Variants in UBR3 observed in about 807,000 individuals in gnomAD.
UBR3 encodes E3 ubiquitin-protein ligase UBR3.
In UBR3, 85 loss-of-function variants were observed where a neutral mutation model predicts 243.2. The ratio of observed to expected loss-of-function variants is 0.35; its 90% CI spans 0.29 to 0.42. UBR3 has a LOEUF of 0.42. UBR3 is among the 10% of genes least tolerant of loss of function. The pLI is 1.00. For missense variants in UBR3, 1,686 were observed against 2,300.8 expected (o/e 0.73, Z 5.47); for synonymous variants, 748 against 799.8 (o/e 0.94, Z 1.09).
intron 31 of UBR3, among the ~76,000 whole-genome samples, chr2:170,034,598 G>A (rs771105237): frequency 4.0e-5 from 6 of 150,648 alleles, no homozygotes; most frequent in South Asian, 2.1e-4. Context: ...TGGTTGCTTC[G>A]AAGTTTTGGC....
rs550688881 is a variant in UBR3 at position 169,875,143 on chromosome 2, G to A, written c.686-648G>A. 3.3e-5 allele frequency among the ~76,000 whole-genome samples: 5 copies of A among 151,946 alleles called. No homozygotes were observed. The East Asian group carries it at 9.7e-4, about 29-fold the overall frequency. On this transcript the variant is annotated intron_variant, in intron 2 of 38. Coordinates refer to ENST00000272793, the MANE Select transcript of UBR3 (RefSeq NM_172070.4). Reference sequence around the variant, plus strand: ...ATTTTTGGAATATTATAGGGGATAGGTTATTTGTTATACAGGTTTAAATTT... The same window carrying A: ...ATTTTTGGAATATTATAGGGGATAGATTATTTGTTATACAGGTTTAAATTT...
intron 30 of UBR3, among the ~76,000 whole-genome samples, chr2:170,026,405 C>A (rs1485234849): frequency 6.6e-6 from 1 of 151,310 alleles, no homozygotes; most frequent in Non-Finnish European, 1.5e-5. Context: ...GTATGTAAGC[C>A]CAACTTACAA....
At chr2:169,833,962 A>AT (rs1395502544) in intron 1 of UBR3, among the ~76,000 whole-genome samples, 1 of 151,866 alleles carries the variant, frequency 6.6e-6, no homozygotes, top group Non-Finnish European at 1.5e-5. Context: ...TTCTTTTTGT[A>AT]TTTTTTGTAG....
In UBR3 at chr2:169,871,344, G is replaced by A. The variant is rs941032573; in HGVS notation, c.546-892G>A. On this transcript the variant is annotated intron_variant, in intron 1 of 38. Transcript: ENST00000272793. ...ATAGTGGCACATGCCTGAGGCTGAG[G>A]TGGGAGGATTGCTTGAGCCCAGGAC... Among the ~76,000 whole-genome samples the A allele has an allele frequency of 2.6e-5, 4 of 151,852 alleles. No individual in the cohort carries two copies. The East Asian group carries it at 7.7e-4, about 29-fold the overall frequency.
intron 38 of UBR3, among the ~76,000 whole-genome samples, chr2:170,080,994 A>G (rs920349697): frequency 9.2e-5 from 14 of 152,170 alleles, no homozygotes; most frequent in African/African-American, 3.1e-4. Context: ...GTTTGAGACC[A>G]GCCTGGACAA....
intron 27 of UBR3, 29 bp downstream of exon 27, chr2:170,001,443 G>A (rs564681518): frequency 7.3e-7 from 1 of 1,371,856 alleles, no homozygotes; most frequent in Non-Finnish European, 1.0e-6. Context: ...TTTTTTAAAG[G>A]TGCATGTATC....
intron 17 of UBR3, 144 bp downstream of exon 17, chr2:169,927,549 C>T (rs2085954061): frequency 3.4e-6 from 2 of 581,136 alleles, no homozygotes; most frequent in South Asian, 2.9e-5. Context: ...GTTGTGTGCT[C>T]AAGTATGTAT....
intron 27 of UBR3, among the ~76,000 whole-genome samples, chr2:170,005,095 G>T (rs1312705096): frequency 2.0e-5 from 3 of 152,076 alleles, no homozygotes; most frequent in Admixed American, 2.0e-4. Flanking sequence ...GCTGTGGCGG[G>T]TGCCTGTAGT....
At chr2:170,077,677 CT>C in intron 36 of UBR3, 1 of 357,546 alleles carries the variant, frequency 2.8e-6, no homozygotes, top group Non-Finnish European at 5.0e-6. Flanking sequence ...CCTCAGCCTC[CT>C]GGGTTCAAGT....
intron 10 of UBR3, among the ~76,000 whole-genome samples, chr2:169,913,403 A>G (rs536063136): frequency 4.7e-5 from 6 of 127,214 alleles, no homozygotes; most frequent in East Asian, 2.2e-4. Context: ...CATTATTTCT[A>G]TTTCTGTTTA....
chr2:170,045,329 G>A (rs2091057720), intron 32 of UBR3, among the ~76,000 whole-genome samples: 1 of 151,918 alleles, frequency 6.6e-6, no homozygotes, highest in Non-Finnish European at 1.5e-5. Context: ...ACAACACGAG[G>A]GAGTTAAAAT....
chr2:169,933,206 G>A (rs2086203874), intron 19 of UBR3, among the ~76,000 whole-genome samples, 198 bp downstream of exon 19: 1 of 152,160 alleles, frequency 6.6e-6, no homozygotes. Context: ...ATGTTAATCT[G>A]ATAAATTTAG....
chr2:169,855,595 A>G (rs560725058), intron 1 of UBR3, among the ~76,000 whole-genome samples: 76 of 152,302 alleles, frequency 5.0e-4, no homozygotes, highest in African/African-American at 1.8e-3. Flanking sequence ...AACAAAGCAC[A>G]TCTTGCACCG....
At chr2:169,856,841 G>A (rs2082888806) in intron 1 of UBR3, among the ~76,000 whole-genome samples, 1 of 150,932 alleles carries the variant, frequency 6.6e-6, no homozygotes, top group East Asian at 2.0e-4. Context: ...GAGGGAGGGG[G>A]AGGGGGAGGG....
intron 11 of UBR3, among the ~76,000 whole-genome samples, 197 bp from the exon 12 acceptor site, chr2:169,923,732 G>T (rs1182764914): frequency 6.6e-6 from 1 of 152,144 alleles, no homozygotes; most frequent in Non-Finnish European, 1.5e-5. Context: ...CTGCCTTCAA[G>T]AAACTTATAC....
intron 5 of UBR3, among the ~76,000 whole-genome samples, chr2:169,890,551 A>ATGTGTGTGTG (rs2084306808): frequency 9.8e-6 from 1 of 102,040 alleles, no homozygotes; most frequent in African/African-American, 4.3e-5. Context: ...ATATATATAT[A>ATGTGTGTGTG]TATATATATA....
At chr2:169,912,196 C>T (rs376660530) in intron 10 of UBR3, among the ~76,000 whole-genome samples, 7 of 143,960 alleles carry the variant, frequency 4.9e-5, no homozygotes, top group African/African-American at 1.7e-4. Flanking sequence ...CGTGATGCCC[C>T]AAAATATCTG....
rs1559237524 is a variant in UBR3, at chr2:170,073,433, A to G, written c.5025A>G (p.Glu1675=). ...TCCTATTTCATGTCTAAAAGGAAGAAGAAGAATTTTCAGTTCTTGCCAGCT... is the reference window on the plus strand; with the variant it reads ...TCCTATTTCATGTCTAAAAGGAAGAGGAAGAATTTTCAGTTCTTGCCAGCT... The part of the protein sequence containing the change: ...FGEDLPSCQE[E]EEFSVLASCL... The change falls in exon 36 of 39, where the codon GAA becomes GAG. Residue 1675 remains glutamate (E), a synonymous_variant. Transcript: ENST00000272793. The G allele has an allele frequency of 6.2e-7, 1 of 1,613,488 alleles. No individual in the cohort carries two copies. Among genetic ancestry groups the G allele is most frequent in the Non-Finnish European group, 8.5e-7 (1 of 1,179,606 alleles).
chr2:170,072,483 TA>T (rs1043316479), intron 35 of UBR3, among the ~76,000 whole-genome samples: 1 of 151,900 alleles, frequency 6.6e-6, no homozygotes, highest in Non-Finnish European at 1.5e-5. Context: ...AATGACGAGT[TA>T]ATGGGTACAG....
Sources: gnomAD v4.1 joint callset for allele counts (sites outside exome capture counted in the v4.1 genomes callset) on GRCh38, gnomAD v4.1.1 for gene constraint, MANE v1.5 for transcripts, NCBI Gene and HGNC (gene_info 2026-07-23, HGNC 2026-07-21) for gene names.